VHL: variants seen among roughly 807,000 people sequenced by gnomAD.
VHL encodes the protein von Hippel-Lindau tumor suppressor.
Under a neutral mutation model 19.2 loss-of-function variants are expected in VHL, and 10 were observed. The observed-to-expected ratio is 0.52, with a 90% confidence interval of 0.32 to 0.89. The LOEUF is 0.89. VHL is among the 40% of genes least tolerant of loss of function. VHL has a pLI of 0.03. For synonymous variants in VHL, 167 were observed against 129.5 expected (o/e 1.29, Z -1.97); for missense variants, 328 against 292.7 (o/e 1.12, Z -0.88).
At chr3:10,148,725 C>A (rs1696328635) in intron 2 of VHL, among the ~76,000 whole-genome samples, 1 of 147,804 alleles carries the variant, frequency 6.8e-6, no homozygotes, top group Admixed American at 6.8e-5. Context: ...GTCACCCAGG[C>A]TGGAGTGCAG....
chr3:10,142,256 C>T, intron 1 of VHL, 69 bp downstream of exon 1: 4 of 1,532,972 alleles, frequency 2.6e-6, no homozygotes, highest in Non-Finnish European at 3.5e-6. Flanking sequence ...TCTACCGCCC[C>T]GGGGTCCATT....
chr3:10,146,603 G>C lies in VHL; in HGVS notation c.430G>C (p.Gly144Arg), dbSNP rs869025650. Residue 144 changes from glycine (G) to arginine (R), a missense_variant, in exon 2 of 3, where the codon GGA becomes CGA. Coordinates refer to ENST00000256474, the MANE Select transcript of VHL (RefSeq NM_000551.4). ...ELFVPSLNVDGQPIFANITLP... is the reference protein window; with the variant it reads ...ELFVPSLNVDRQPIFANITLP... ...ATTTGTGCCATCTCTCAATGTTGAC[G>C]GACAGCCTATTTTTGCCAATATCAC... The C allele has an allele frequency of 5.6e-6, 9 of 1,613,904 alleles. No homozygotes were observed. Among genetic ancestry groups the C allele is most frequent in the Non-Finnish European group, 7.6e-6 (9 of 1,179,902 alleles).
chr3:10,150,207 G>A lies in VHL; in HGVS notation c.*242G>A. 1 of 1,370,232 alleles carries A rather than the reference G, an allele frequency of 7.3e-7. No individual in the cohort carries two copies. The highest frequency in any genetic ancestry group is 2.9e-5 in the East Asian group (1 of 34,446). 84.9% of individuals were successfully genotyped at this position (1,370,232 alleles called of 1,614,324 possible). A position where few individuals can be genotyped will look rare whatever the true frequency, so the allele number is the denominator to read the frequency against. On this transcript the variant is annotated 3_prime_UTR_variant, in exon 3 of 3. Transcript: ENST00000256474. ...GAGAAGTATTTATCAGGAGAAGGTG[G>A]TGGCATTTTTGCTTCCTAGTAAGTC...
intron 2 of VHL, among the ~76,000 whole-genome samples, chr3:10,148,305 A>ACTAGATTT (rs1335309338): frequency 6.8e-6 from 1 of 147,586 alleles, no homozygotes; most frequent in East Asian, 2.0e-4. Context: ...ATTCAGTTGT[A>ACTAGATTT]CTAGATTTTC....
intron 2 of VHL, 72 bp from the exon 3 acceptor site, chr3:10,149,715 G>A (rs2125130331): frequency 7.4e-7 from 1 of 1,358,192 alleles, no homozygotes; most frequent in Non-Finnish European, 1.0e-6. Flanking sequence ...GTAGTTGTTG[G>A]CAAAGCCTCT....
In VHL at chr3:10,142,341, CTTT is replaced by C. The variant is rs556405301; in HGVS notation, c.340+172_340+174del. 6.5e-5 allele frequency among the ~76,000 whole-genome samples: 7 copies of C among 107,950 alleles called. No individual in the cohort carries two copies. In the East Asian group the frequency reaches 1.6e-3, roughly 25 times the overall value. The allele number at this position is 107,950 out of a possible 152,430, so 70.8% of individuals were successfully genotyped here. ...CGCTGCTCGTAAGCGTCAGAGCATT[CTTT>C]TTTTTTTTTTTTTTTTTCTGAGACG... is the stretch of plus-strand genomic sequence containing the variant. On this transcript the variant is annotated intron_variant, in intron 1 of 2. Transcript: ENST00000256474.
chr3:10,146,764 C>A, intron 2 of VHL, 128 bp downstream of exon 2: 1 of 1,175,904 alleles, frequency 8.5e-7, no homozygotes, highest in Non-Finnish European at 1.3e-6. Flanking sequence ...TTTTTGTATC[C>A]TATTCTCTAC....
In VHL at chr3:10,153,104, C is replaced by T. The variant is rs1479462048; in HGVS notation, c.*3139C>T. On this transcript the variant is annotated 3_prime_UTR_variant, in exon 3 of 3. Transcript: ENST00000256474. The stretch of plus-strand genomic sequence containing the variant: ...ATCCTGGCTAACACGGGTGAAACCC[C>T]GTCTCTATTAAAAAATAGAAAAAAT... 6.6e-6 allele frequency among the ~76,000 whole-genome samples: 1 copy of T among 152,042 alleles called. No individual in the cohort carries two copies. The highest frequency in any genetic ancestry group is 1.5e-5 in the Non-Finnish European group (1 of 68,004).
chr3:10,142,074 T>G lies in VHL; in HGVS notation c.227T>G (p.Phe76Cys), dbSNP rs730882033. The change falls in exon 1 of 3, where the codon TTC becomes TGC. Residue 76 changes from phenylalanine (F) to cysteine (C), a missense_variant. Coordinates refer to ENST00000256474, the MANE Select transcript of VHL (RefSeq NM_000551.4). ...TCGCGCGAGCCCTCCCAGGTCATCT[T>G]CTGCAATCGCAGTCCGCGCGTCGTG... The part of the protein sequence containing the change: ...VNSREPSQVI[F>C]CNRSPRVVLP... The G allele has an allele frequency of 6.2e-7, 1 of 1,607,234 alleles. No homozygotes were observed. Among genetic ancestry groups the G allele is most frequent in the South Asian group, 1.1e-5 (1 of 90,902 alleles).
chr3:10,144,265 G>C (rs984059166), intron 1 of VHL, among the ~76,000 whole-genome samples: 2 of 151,096 alleles, frequency 1.3e-5, no homozygotes, highest in Admixed American at 6.6e-5. Context: ...CCAGGAGCTG[G>C]AGACCAGCCT....
At position 10,142,097 on chromosome 3, in the gene VHL, G is replaced by T. The variant is rs5030827; in HGVS notation, c.250G>T (p.Val84Leu). Residue 84 changes from valine to leucine, a missense_variant, in exon 1 of 3, where the codon GTG (valine) becomes TTG (leucine). By Grantham distance (32) the Val-to-Leu change is conservative (BLOSUM62 1). Coordinates refer to ENST00000256474, the MANE Select transcript of VHL (RefSeq NM_000551.4). ...CTTCTGCAATCGCAGTCCGCGCGTC[G>T]TGCTGCCCGTATGGCTCAACTTCGA... is the stretch of plus-strand genomic sequence containing the variant. Reference protein sequence around the residue: ...VIFCNRSPRVVLPVWLNFDGE... With the variant: ...VIFCNRSPRVLLPVWLNFDGE... The T allele has an allele frequency of 6.2e-7, 1 of 1,604,028 alleles. No homozygotes were observed. The highest frequency in any genetic ancestry group is 8.5e-7 in the Non-Finnish European group (1 of 1,179,704).
intron 2 of VHL, among the ~76,000 whole-genome samples, chr3:10,149,269 T>A (rs1469921297): frequency 1.3e-5 from 2 of 151,826 alleles, no homozygotes; most frequent in African/African-American, 4.8e-5. Flanking sequence ...TGTGCCACCA[T>A]GCCTGGCTAA....
rs1222927796 is a variant in VHL at position 10,152,629 on chromosome 3, A to C, written c.*2664A>C. On this transcript the variant is annotated 3_prime_UTR_variant, in exon 3 of 3. Coordinates refer to ENST00000256474, the MANE Select transcript of VHL (RefSeq NM_000551.4). ...TGGCTCACCCTCCTGAGTAGCTGGGATTACAGGCGCCTGCCACCATGCCTG... is the reference window on the plus strand; with the variant it reads ...TGGCTCACCCTCCTGAGTAGCTGGGCTTACAGGCGCCTGCCACCATGCCTG... 1.3e-5 allele frequency among the ~76,000 whole-genome samples: 2 copies of C among 149,474 alleles called. No individual in the cohort carries two copies. The highest frequency in any genetic ancestry group is 3.0e-5 in the Non-Finnish European group (2 of 67,628).
chr3:10,150,320 G>A lies in VHL; in HGVS notation c.*355G>A, dbSNP rs1479247763. ...TAATTTTAAGAAGGCATTGGCATCT[G>A]CTTTTAATGGATGTATAATACATCC... On this transcript the variant is annotated 3_prime_UTR_variant, in exon 3 of 3. Transcript: ENST00000256474. 2.5e-5 allele frequency: 32 copies of A among 1,267,400 alleles called. No individual in the cohort carries two copies. Among genetic ancestry groups the A allele is most frequent in the Non-Finnish European group, 3.0e-5 (30 of 993,080 alleles). 78.5% of individuals were successfully genotyped at this position (1,267,400 alleles called of 1,614,324 possible).
chr3:10,146,454 G>T (rs1696258595), intron 1 of VHL, 60 bp from the exon 2 acceptor site: 3 of 1,606,630 alleles, frequency 1.9e-6, no homozygotes, highest in Non-Finnish European at 2.6e-6. Context: ...GATTACAGGT[G>T]TGGGCCACCG....
At position 10,141,854 on chromosome 3, in the gene VHL, C is replaced by T. The variant is rs878854130; in HGVS notation, c.7C>T (p.Arg3Trp). 8 of 1,535,254 alleles carry T rather than the reference C, an allele frequency of 5.2e-6. No individual in the cohort carries two copies. Among genetic ancestry groups the T allele is most frequent in the African/African-American group, 2.8e-5 (2 of 72,328 alleles). Reference sequence around the variant, plus strand: ...GGTCTGGATCGCGGAGGGAATGCCCCGGAGGGCGGAGAACTGGGACGAGGC... The same window carrying T: ...GGTCTGGATCGCGGAGGGAATGCCCTGGAGGGCGGAGAACTGGGACGAGGC... MP[R>W]RAENWDEAEV... The change falls in exon 1 of 3, where the codon CGG becomes TGG. Residue 3 changes from arginine (R) to tryptophan (W), a missense_variant. Transcript: ENST00000256474.
At chr3:10,149,487 G>A (rs868030852) in intron 2 of VHL, among the ~76,000 whole-genome samples, 1 of 152,158 alleles carries the variant, frequency 6.6e-6, no homozygotes, top group African/African-American at 2.4e-5. Context: ...GCAGAAGTCA[G>A]CAGGCCTTTT....
chr3:10,144,755 A>T (rs1290397068), intron 1 of VHL, among the ~76,000 whole-genome samples: 1 of 151,236 alleles, frequency 6.6e-6, no homozygotes, highest in Admixed American at 6.6e-5. Flanking sequence ...TCTCTTTTTT[A>T]TTTTTTTAAA....
intron 1 of VHL, among the ~76,000 whole-genome samples, chr3:10,143,179 A>G (rs796222009): frequency 4.0e-5 from 6 of 151,418 alleles, no homozygotes; most frequent in African/African-American, 1.2e-4. Flanking sequence ...GGCCCACGCT[A>G]GAATGCAGTG....
Sources: allele counts gnomAD v4.1 joint callset (sites outside exome capture counted in the v4.1 genomes callset), GRCh38; gene constraint gnomAD v4.1.1; transcripts MANE v1.5; gene names NCBI Gene and HGNC (gene_info 2026-07-23, HGNC 2026-07-21).